The following KIF13A variants were observed in gnomAD, a reference collection of about 807,000 sequenced individuals.
The protein encoded by KIF13A is kinesin family member 13A, also known as kinesin-like protein KIF13A.
A neutral mutation model predicts 212.2 loss-of-function variants in KIF13A; 79 were observed. The observed-to-expected ratio is 0.37, with a 90% confidence interval of 0.31 to 0.45. The LOEUF is 0.45. Among genes scored for constraint, KIF13A ranks in the 20% least tolerant of loss-of-function variants. KIF13A has a pLI of 1.00. For missense variants in KIF13A, 1,901 were observed against 2,209.0 expected, an observed-to-expected ratio of 0.86 and a Z score of 2.79; for synonymous variants, 789 against 808.6, an observed-to-expected ratio of 0.98 and a Z score of 0.41.
rs1772818506 is a variant in KIF13A at position 17,898,930 on chromosome 6, G to T, written c.147-750C>A. 6.6e-6 allele frequency among the ~76,000 whole-genome samples: 1 copy of T among 151,994 alleles called. No individual in the cohort carries two copies. Among genetic ancestry groups the T allele is most frequent in the South Asian group, 2.1e-4 (1 of 4,820 alleles). ...GGCTCAGTGCAACCTTGAACTCCTG[G>T]GCTCAACTGATCCTCCTACCTCAGC... On this transcript the variant is annotated intron_variant, in intron 2 of 38. Coordinates refer to ENST00000259711, the MANE Select transcript of KIF13A (RefSeq NM_022113.6). This position sits in a 1 kb window ranked among gnomAD's most constrained non-coding sequence, Gnocchi z 5.2.
chr6:17,951,051 TACACCTAAGG>T lies in KIF13A; in HGVS notation c.146+35993_146+36002del, dbSNP rs1777800034. On this transcript the variant is annotated intron_variant, in intron 2 of 38. Coordinates refer to ENST00000259711, the MANE Select transcript of KIF13A (RefSeq NM_022113.6). The surrounding 1 kb of genome is among the most constrained non-coding windows in gnomAD (Gnocchi z 4.9). Reference sequence around the variant, plus strand: ...GGCTATCACAAACCCACTTTAGTAGTACACCTAAGGACACCTAAGGAATTGTACTTATTAT... The same window carrying T: ...GGCTATCACAAACCCACTTTAGTAGTACACCTAAGGAATTGTACTTATTAT... 12 of 1,044,018 alleles carry T rather than the reference TACACCTAAGG, an allele frequency of 1.1e-5. No individual in the cohort carries two copies. Among genetic ancestry groups the T allele is most frequent in the Non-Finnish European group, 1.4e-5 (12 of 868,286 alleles). 64.7% of individuals were successfully genotyped at this position (1,044,018 alleles called of 1,614,324 possible).
chr6:17,903,591 T>C (rs1490551055), intron 2 of KIF13A, among the ~76,000 whole-genome samples: 2 of 152,156 alleles, frequency 1.3e-5, no homozygotes, highest in East Asian at 1.9e-4. Context: ...ACAAACAAAA[T>C]GGCACAAGAA....
intron 3 of KIF13A, among the ~76,000 whole-genome samples, chr6:17,875,042 C>T (rs1318680843): frequency 6.7e-6 from 1 of 148,574 alleles, no homozygotes; most frequent in African/African-American, 2.5e-5. Flanking sequence ...TTCCTTTATC[C>T]ACTTGTTGAC....
At chr6:17,845,068 C>T (rs974913213) in intron 9 of KIF13A, among the ~76,000 whole-genome samples, 3 of 152,138 alleles carry the variant, frequency 2.0e-5, no homozygotes, top group African/African-American at 7.2e-5. Context: ...GCTGGGGAGG[C>T]CTCACAATCA....
At chr6:17,852,124 G>T in intron 6 of KIF13A, 82 bp from the exon 7 acceptor site, 1 of 610,952 alleles carries the variant, frequency 1.6e-6, no homozygotes, top group Non-Finnish European at 2.6e-6. Flanking sequence ...CAGTAACTAA[G>T]ATAACAATTT....
rs1776244488 is a variant in KIF13A, at chr6:17,934,074, TA to T, written c.147-35895del. 6.6e-6 allele frequency among the ~76,000 whole-genome samples: 1 copy of T among 152,230 alleles called. No individual in the cohort carries two copies. The highest frequency in any genetic ancestry group is 6.5e-5 in the Admixed American group (1 of 15,280). On this transcript the variant is annotated intron_variant, in intron 2 of 38. Coordinates refer to ENST00000259711, the MANE Select transcript of KIF13A (RefSeq NM_022113.6). This position sits in a 1 kb window ranked among gnomAD's most constrained non-coding sequence, Gnocchi z 5.4. Reference sequence around the variant, plus strand: ...AAATTGTGTCGTTAGGGTCAACTTTTATTTTTTTTTGAAGAATGCGAAAAAG... The same window carrying T: ...AAATTGTGTCGTTAGGGTCAACTTTTTTTTTTTTTGAAGAATGCGAAAAAG...
At chr6:17,861,448 T>C (rs1231307158) in intron 4 of KIF13A, among the ~76,000 whole-genome samples, 2 of 152,230 alleles carry the variant, frequency 1.3e-5, no homozygotes, top group Non-Finnish European at 2.9e-5. Flanking sequence ...ATTTAGATTA[T>C]TTCCTTTTAT....
At chr6:17,813,974 ATG>A (rs1763676340) in intron 17 of KIF13A, among the ~76,000 whole-genome samples, 1 of 107,920 alleles carries the variant, frequency 9.3e-6, no homozygotes, top group Non-Finnish European at 1.8e-5. Flanking sequence ...TTTTTTTGAG[ATG>A]GAGTCTTGCT....
chr6:17,943,039 T>C (rs1482025593), intron 2 of KIF13A, among the ~76,000 whole-genome samples: 3 of 152,028 alleles, frequency 2.0e-5, no homozygotes, highest in Non-Finnish European at 4.4e-5. Context: ...AAGCAGAGAA[T>C]CATAAAAATG....
intron 16 of KIF13A, chr6:17,821,796 G>GT (rs1480372528): frequency 1.1e-5 from 17 of 1,535,216 alleles, no homozygotes; most frequent in Non-Finnish European, 1.5e-5. Context: ...CTTTATCCCA[G>GT]TGTTTGTGGA....
intron 2 of KIF13A, among the ~76,000 whole-genome samples, chr6:17,902,431 G>A (rs1773131421): frequency 6.6e-6 from 1 of 152,164 alleles, no homozygotes; most frequent in Non-Finnish European, 1.5e-5. Flanking sequence ...AATAAGGAGA[G>A]ACAGTTCTTA....
At chr6:17,844,546 T>C (rs905591721) in intron 9 of KIF13A, among the ~76,000 whole-genome samples, 1 of 152,240 alleles carries the variant, frequency 6.6e-6, no homozygotes, top group Admixed American at 6.5e-5. Flanking sequence ...AGAAAGGTTT[T>C]ATAATTATTC....
rs1013990294 is a variant in KIF13A at position 17,773,876 on chromosome 6, G to A, written c.4219-293C>T. ...TCCCATTCATCTTCCTTCCTCCCCA[G>A]AGGTAGCTACTTTGAGCAATGTGGC... On this transcript the variant is annotated intron_variant, in intron 35 of 38. Coordinates refer to ENST00000259711, the MANE Select transcript of KIF13A (RefSeq NM_022113.6). This position sits in a 1 kb window ranked among gnomAD's most constrained non-coding sequence, Gnocchi z 4.2. 3.9e-5 allele frequency among the ~76,000 whole-genome samples: 6 copies of A among 152,110 alleles called. No homozygotes were observed. The highest frequency in any genetic ancestry group is 5.9e-5 in the Non-Finnish European group (4 of 68,032).
At chr6:17,884,153 C>T (rs1270499741) in intron 3 of KIF13A, among the ~76,000 whole-genome samples, 1 of 152,116 alleles carries the variant, frequency 6.6e-6, no homozygotes, top group Non-Finnish European at 1.5e-5. Flanking sequence ...TTATTGCCTC[C>T]TCTGGGCTGT....
intron 2 of KIF13A, among the ~76,000 whole-genome samples, chr6:17,980,682 G>A (rs1412757870): frequency 2.0e-5 from 3 of 151,658 alleles, no homozygotes; most frequent in Admixed American, 2.0e-4. Flanking sequence ...AAAAATGAGG[G>A]AAAAAAGCAA....
chr6:17,972,185 G>A (rs576543706), intron 2 of KIF13A, among the ~76,000 whole-genome samples: 3 of 152,276 alleles, frequency 2.0e-5, no homozygotes, highest in African/African-American at 7.2e-5. Flanking sequence ...CCGTTATCTT[G>A]ATAAACCTTC....
At position 17,951,544 on chromosome 6, in the gene KIF13A, C is replaced by T; in HGVS notation, c.146+35510G>A. The T allele has an allele frequency of 4.7e-6, 2 of 426,908 alleles. No individual in the cohort carries two copies. The highest frequency in any genetic ancestry group is 8.3e-6 in the Non-Finnish European group (2 of 240,046). The allele number at this position is 426,908 out of a possible 1,614,324, so 26.4% of individuals were successfully genotyped here. ...TTAGCATATTCACAGAGTTATGTGG[C>T]TATCACCACAACTGCAGAACATTCT... On this transcript the variant is annotated intron_variant, in intron 2 of 38. Transcript: ENST00000259711. The surrounding 1 kb of genome is among the most constrained non-coding windows in gnomAD (Gnocchi z 4.9).
chr6:17,764,181 G>A lies in KIF13A; in HGVS notation c.5347C>T (p.Leu1783=), dbSNP rs776507893. 1 of 1,614,048 alleles carries A rather than the reference G, an allele frequency of 6.2e-7. No individual in the cohort carries two copies. The highest frequency in any genetic ancestry group is 2.2e-5 in the East Asian group (1 of 44,886). The change falls in exon 39 of 39, where the codon CTG becomes TTG. Residue 1783 remains leucine (L), a synonymous_variant. Transcript: ENST00000259711. This position sits in a 1 kb window ranked among gnomAD's most constrained non-coding sequence, Gnocchi z 5.1. ...TGGTCATTCTCTAACTTGGAATGCA[G>A]CTGGCTGGGGTGGTGGAGCCCATCG... The part of the protein sequence containing the change: ...VSDGLHHPSQ[L]HSKLENDQVI...
At chr6:17,833,925 G>A (rs1014555674) in intron 12 of KIF13A, 36 bp downstream of exon 12, 8 of 1,006,742 alleles carry the variant, frequency 7.9e-6, no homozygotes, top group East Asian at 2.7e-5. Context: ...AAGTGAAAAA[G>A]AATCCCAATA....
Sources: gnomAD v4.1 joint callset for allele counts (sites outside exome capture counted in the v4.1 genomes callset) on GRCh38, gnomAD v4.1.1 for gene constraint, Gnocchi (gnomAD v3.1) non-coding constraint, MANE v1.5 for transcripts, NCBI Gene and HGNC (gene_info 2026-07-23, HGNC 2026-07-21) for gene names.